The following ZNF277 variants were observed in gnomAD, a reference collection of about 807,000 sequenced individuals.
The protein encoded by ZNF277 is zinc finger protein 277, also known as nuclear receptor-interacting factor 4.
In ZNF277, 55 loss-of-function variants were observed where a neutral mutation model predicts 60.7. That is an observed-to-expected ratio of 0.91 (90% CI 0.73 to 1.13). The LOEUF (loss-of-function observed/expected upper bound fraction) is 1.13, where lower values mean the gene tolerates loss of function less well. Ranked by LOEUF, ZNF277 falls within the 50% of genes most tolerant of loss-of-function variation. The pLI, the probability that ZNF277 is intolerant of heterozygous loss-of-function variation, is 0.00. For synonymous variants in ZNF277, 178 were observed against 179.3 expected (o/e 0.99, Z 0.06); for missense variants, 510 against 523.0 (o/e 0.98, Z 0.24).
intron 1 of ZNF277, among the ~76,000 whole-genome samples, chr7:112,253,648 A>G (rs1355155010): frequency 6.6e-6 from 1 of 152,118 alleles, no homozygotes; most frequent in Admixed American, 6.5e-5. Context: ...CCTCAGGGCC[A>G]TCATGCCTTA....
intron 1 of ZNF277, among the ~76,000 whole-genome samples, chr7:112,270,172 A>G (rs886112045): frequency 2.0e-5 from 3 of 152,110 alleles, no homozygotes; most frequent in African/African-American, 7.2e-5. Context: ...ATCGTAGTCC[A>G]GTTGATTCTT....
intron 1 of ZNF277, among the ~76,000 whole-genome samples, chr7:112,234,344 A>G (rs1424634142): frequency 1.3e-5 from 2 of 152,212 alleles, no homozygotes; most frequent in Non-Finnish European, 2.9e-5. Flanking sequence ...GGTAAGTCCA[A>G]GATCAAGGTA....
rs17159420 is a variant in ZNF277 at position 112,281,225 on chromosome 7, G to A, written c.92-5648G>A. Among the ~76,000 whole-genome samples, 125 of 152,240 alleles carry A rather than the reference G, an allele frequency of 8.2e-4. No homozygotes were observed. In the East Asian group the frequency reaches 0.01, roughly 12 times the overall value. ...TTCCAGGCAGTGGTCTAGGGACTAC[G>A]GCTTGGTAAAAATTACATTTTCTAA... On this transcript the variant is annotated intron_variant, in intron 1 of 11. Transcript: ENST00000361822.
At chr7:112,310,088 AATTG>A (rs1792686878) in intron 4 of ZNF277, among the ~76,000 whole-genome samples, 1 of 152,038 alleles carries the variant, frequency 6.6e-6, no homozygotes, top group Non-Finnish European at 1.5e-5. Flanking sequence ...GAGTAGGTAT[AATTG>A]ATTAAGTCAT....
At chr7:112,296,133 T>C in intron 3 of ZNF277, 96 bp from the exon 4 acceptor site, 1 of 1,014,358 alleles carries the variant, frequency 9.9e-7, no homozygotes, top group Non-Finnish European at 1.5e-6. Flanking sequence ...GAGATCCTAA[T>C]AGACACACAC....
intron 1 of ZNF277, among the ~76,000 whole-genome samples, chr7:112,283,870 A>G (rs1458621433): frequency 6.6e-6 from 1 of 152,244 alleles, no homozygotes; most frequent in Non-Finnish European, 1.5e-5. Flanking sequence ...ATGGGGTATT[A>G]GGGAGACTGG....
intron 1 of ZNF277, among the ~76,000 whole-genome samples, chr7:112,282,323 A>T (rs1203866400): frequency 1.3e-5 from 2 of 152,406 alleles, no homozygotes; most frequent in East Asian, 1.9e-4. Context: ...AATGCATCAC[A>T]TAAGACACCA....
At position 112,208,623 on chromosome 7, in the gene ZNF277, G is replaced by A. The variant is rs111767337; in HGVS notation, c.91+1816G>A. The stretch of plus-strand genomic sequence containing the variant: ...TTTTTTTTTTTTAATCCTACAATCC[G>A]TATTCTGTTAAACCACCATATTCTT... On this transcript the variant is annotated intron_variant, in intron 1 of 11. Transcript: ENST00000361822. Among the ~76,000 whole-genome samples, 77 of 123,738 alleles carry A rather than the reference G, an allele frequency of 6.2e-4. 2 individuals carry two copies. Among genetic ancestry groups the A allele is most frequent in the African/African-American group, 2.3e-3 (74 of 32,514 alleles). 81.2% of individuals were successfully genotyped at this position (123,738 alleles called of 152,430 possible).
chr7:112,309,693 G>A (rs962831032), intron 4 of ZNF277, among the ~76,000 whole-genome samples: 4 of 151,928 alleles, frequency 2.6e-5, no homozygotes, highest in Non-Finnish European at 5.9e-5. Context: ...TAAGGGCACA[G>A]CCCTCCACAG....
At chr7:112,262,842 T>G (rs1248579238) in intron 1 of ZNF277, among the ~76,000 whole-genome samples, 1 of 152,124 alleles carries the variant, frequency 6.6e-6, no homozygotes, top group Non-Finnish European at 1.5e-5. Flanking sequence ...ACACTCACAG[T>G]GTCCATAAAA....
At chr7:112,220,086 G>C (rs927793914) in intron 1 of ZNF277, among the ~76,000 whole-genome samples, 27 of 152,160 alleles carry the variant, frequency 1.8e-4, no homozygotes, top group African/African-American at 6.5e-4. Context: ...TTCTGTTTCT[G>C]TGAAAAATGT....
rs116672577 is a variant in ZNF277 at position 112,342,824 on chromosome 7, A to G, written c.*95A>G. On this transcript the variant is annotated 3_prime_UTR_variant, in exon 12 of 12. Transcript: ENST00000361822. ...ATGAAAGAACAATTTAAATTTGAAC[A>G]TCAACAAAAGATTGGTCCTTGGTGA... is the stretch of plus-strand genomic sequence containing the variant. 2,235 of 1,023,476 alleles carry G rather than the reference A, an allele frequency of 2.2e-3. 32 individuals are homozygous for G. The African/African-American group carries it at 0.032, about 15-fold the overall frequency. 63.4% of individuals were successfully genotyped at this position (1,023,476 alleles called of 1,614,324 possible).
At chr7:112,279,271 G>A (rs994294986) in intron 1 of ZNF277, among the ~76,000 whole-genome samples, 8 of 152,084 alleles carry the variant, frequency 5.3e-5, no homozygotes, top group East Asian at 1.9e-4. Context: ...AAGAACCTCC[G>A]AATTGGTTTT....
chr7:112,296,904 ATTTATTTATTTTTTTTTTTTTT>A (rs1792354995), intron 4 of ZNF277, among the ~76,000 whole-genome samples: 2 of 32,860 alleles, frequency 6.1e-5, no homozygotes, highest in South Asian at 9.3e-4. Context: ...TTATTTATTT[ATTTATTTATTTTTTTTTTTTTT>A]TTTTTTTTTT....
At chr7:112,337,183 G>A (rs1793350944) in intron 8 of ZNF277, among the ~76,000 whole-genome samples, 1 of 152,220 alleles carries the variant, frequency 6.6e-6, no homozygotes, top group Admixed American at 6.5e-5. Flanking sequence ...AAGGAGCGGG[G>A]AAAGTGGTAA....
intron 7 of ZNF277, among the ~76,000 whole-genome samples, chr7:112,335,675 A>G (rs1465577558): frequency 1.3e-5 from 2 of 152,254 alleles, no homozygotes; most frequent in Non-Finnish European, 2.9e-5. Context: ...ATTGAATTCT[A>G]CTTTCTAATT....
In ZNF277 at chr7:112,330,148, A is replaced by T. The variant is rs746755905; in HGVS notation, c.733A>T (p.Lys245Ter). 1 of 1,613,404 alleles carries T rather than the reference A, an allele frequency of 6.2e-7. No individual in the cohort carries two copies. Among genetic ancestry groups the T allele is most frequent in the Non-Finnish European group, 8.5e-7 (1 of 1,179,768 alleles). The change falls in exon 7 of 12, where the codon AAA (lysine) becomes TAA (stop). Residue 245 changes from lysine to a stop codon, truncating the protein, a stop_gained. Transcript: ENST00000361822. LOFTEE classifies it high-confidence loss of function. The stretch of plus-strand genomic sequence containing the variant: ...AAATACACTTAAAGATCACATGAGG[A>T]AAAAACAGCATCGTAAGATTAATCC... ...DKNTLKDHMR[K>*]KQHRKINPKN...
intron 1 of ZNF277, among the ~76,000 whole-genome samples, chr7:112,230,628 A>C (rs984732797): frequency 6.6e-6 from 1 of 152,134 alleles, no homozygotes; most frequent in Non-Finnish European, 1.5e-5. Flanking sequence ...TGCACACTTG[A>C]CTTTGTGTGG....
intron 5 of ZNF277, among the ~76,000 whole-genome samples, chr7:112,326,094 A>G (rs996721382): frequency 4.6e-5 from 7 of 152,140 alleles, no homozygotes; most frequent in Non-Finnish European, 1.0e-4. Flanking sequence ...GAGTACATTC[A>G]GTGTGACTCT....
Sources: allele counts gnomAD v4.1 joint callset (sites outside exome capture counted in the v4.1 genomes callset), GRCh38; gene constraint gnomAD v4.1.1; transcripts MANE v1.5; gene names NCBI Gene and HGNC (gene_info 2026-07-23, HGNC 2026-07-21).